Variants in RELN observed in about 807,000 individuals in gnomAD.
RELN encodes reelin.
RELN carries 108 observed loss-of-function variants against 427.6 expected under a neutral mutation model. The observed-to-expected ratio is 0.25, with a 90% confidence interval of 0.22 to 0.30. The LOEUF is 0.30. RELN is among the 10% of genes least tolerant of loss of function. The pLI, the probability that RELN is intolerant of heterozygous loss-of-function variation, is 1.00. For synonymous variants in RELN, 1,524 were observed against 1,513.4 expected (o/e 1.01, Z -0.16); for missense variants, 3,715 against 4,302.8 (o/e 0.86, Z 3.82).
intron 1 of RELN, among the ~76,000 whole-genome samples, chr7:103,975,966 G>T (rs1796871161): frequency 6.6e-6 from 1 of 152,114 alleles, no homozygotes; most frequent in Non-Finnish European, 1.5e-5. Flanking sequence ...AGGGATGCCA[G>T]ACAAGAGAAT....
chr7:103,920,095 C>G (rs1180812628), intron 1 of RELN, among the ~76,000 whole-genome samples: 1 of 151,994 alleles, frequency 6.6e-6, no homozygotes, highest in Non-Finnish European at 1.5e-5. Flanking sequence ...ATGTGAAATA[C>G]ACTAATTCCC....
intron 2 of RELN, among the ~76,000 whole-genome samples, chr7:103,916,788 A>C (rs1795490884): frequency 6.6e-6 from 1 of 152,138 alleles, no homozygotes; most frequent in Admixed American, 6.6e-5. Flanking sequence ...CCACTTAAGT[A>C]ACAGAATATG....
At chr7:103,757,361 T>C (rs1443521405) in intron 4 of RELN, among the ~76,000 whole-genome samples, 13 of 152,228 alleles carry the variant, frequency 8.5e-5, no homozygotes, top group Non-Finnish European at 2.9e-5. Context: ...TGAATTTTTC[T>C]AGATTGCTCG....
At chr7:103,673,158 T>C (rs1320482628) in intron 11 of RELN, among the ~76,000 whole-genome samples, 3 of 152,152 alleles carry the variant, frequency 2.0e-5, no homozygotes, top group Non-Finnish European at 2.9e-5. Flanking sequence ...CAAATTGTTT[T>C]CTATTTTCTA....
intron 1 of RELN, among the ~76,000 whole-genome samples, chr7:103,940,670 GATAAA>G (rs1796093553): frequency 6.6e-6 from 1 of 152,092 alleles, no homozygotes; most frequent in Admixed American, 6.5e-5. Flanking sequence ...TCATATCCCT[GATAAA>G]ATAACCAAAT....
In RELN at chr7:103,611,782, A is replaced by C. The variant is rs202070369; in HGVS notation, c.2724T>G (p.Leu908=). The change falls in exon 21 of 65, where the codon CTT becomes CTG. Residue 908 remains leucine, a synonymous_variant. Coordinates refer to ENST00000428762, the MANE Select transcript of RELN (RefSeq NM_005045.4). ...TTTCCACATAGCGCATACTTGAGGC[A>C]AGTTTAGAATCTCCTGTAAAACTGA... The part of the protein sequence containing the change: ...WTLCFTGDSK[L]ASSMRYVETQ... 5 of 1,613,816 alleles carry C rather than the reference A, an allele frequency of 3.1e-6. No homozygotes were observed. Among genetic ancestry groups the C allele is most frequent in the Non-Finnish European group, 4.2e-6 (5 of 1,179,756 alleles).
intron 1 of RELN, among the ~76,000 whole-genome samples, chr7:103,941,682 A>G (rs1796117678): frequency 6.6e-6 from 1 of 152,196 alleles, no homozygotes; most frequent in Non-Finnish European, 1.5e-5. Flanking sequence ...TGCTGTCAAG[A>G]TTCTAGTCCA....
rs1437499923 is a variant in RELN, at chr7:103,620,462, T to C, written c.2703-8659A>G. 7.2e-6 allele frequency among the ~76,000 whole-genome samples: 1 copy of C among 139,222 alleles called. No individual in the cohort carries two copies. Among genetic ancestry groups the C allele is most frequent in the East Asian group, 2.2e-4 (1 of 4,636 alleles). The allele number at this position is 139,222 out of a possible 152,430, so 91.3% of individuals were successfully genotyped here. A position where few individuals can be genotyped will look rare whatever the true frequency, so the allele number is the denominator to read the frequency against. On this transcript the variant is annotated intron_variant, in intron 20 of 64. Transcript: ENST00000428762. This position sits in a 1 kb window ranked among gnomAD's most constrained non-coding sequence, Gnocchi z 4.1. ...AGATTCGATTTTGGTTGAAGATAAC[T>C]CACCCGATCCACATTTTTTTTTTTT...
chr7:103,801,445 A>C (rs772668200), intron 3 of RELN, among the ~76,000 whole-genome samples: 2 of 152,142 alleles, frequency 1.3e-5, no homozygotes, highest in Non-Finnish European at 2.9e-5. Context: ...ATGGATGAAA[A>C]TGGAAACCAT....
At chr7:103,790,260 C>T (rs1476300812) in intron 3 of RELN, among the ~76,000 whole-genome samples, 1 of 152,000 alleles carries the variant, frequency 6.6e-6, no homozygotes, top group Non-Finnish European at 1.5e-5. Context: ...GTGCAGCAAA[C>T]CACCATGGCA....
intron 58 of RELN, among the ~76,000 whole-genome samples, chr7:103,491,628 A>G (rs1470684710): frequency 6.6e-6 from 1 of 152,050 alleles, no homozygotes; most frequent in African/African-American, 2.4e-5. Flanking sequence ...TCGGGAGTTC[A>G]AGACCAGCCT....
At chr7:103,918,040 T>A (rs982165441) in intron 1 of RELN, among the ~76,000 whole-genome samples, 1 of 152,130 alleles carries the variant, frequency 6.6e-6, no homozygotes, top group Non-Finnish European at 1.5e-5. Flanking sequence ...AAGGCTGTCA[T>A]CATCCTTGGT....
intron 6 of RELN, among the ~76,000 whole-genome samples, chr7:103,732,609 C>T (rs1326897373): frequency 1.3e-5 from 2 of 152,002 alleles, no homozygotes; most frequent in African/African-American, 4.8e-5. Context: ...AATAGTGATC[C>T]ATGTGAAAGA....
chr7:103,867,040 A>G (rs558830719), intron 2 of RELN, among the ~76,000 whole-genome samples: 5 of 152,138 alleles, frequency 3.3e-5, no homozygotes, highest in South Asian at 2.1e-4. Flanking sequence ...AAGTAACCCT[A>G]ACCAAAAATG....
In RELN at chr7:103,557,083, T is replaced by C. The variant is rs1479086839; in HGVS notation, c.5691A>G (p.Glu1897=). The C allele has an allele frequency of 6.2e-7, 1 of 1,613,542 alleles. No homozygotes were observed. The highest frequency in any genetic ancestry group is 8.5e-7 in the Non-Finnish European group (1 of 1,179,548). ...TATTCGTTGTTTGAGGAAAGTAAAA[T>C]TCATCCATCAGGTGCCAAGTGATTC... ...SGGITWHLMD[E]FYFPQTTNIL... The change falls in exon 38 of 65, where the codon GAA becomes GAG. Residue 1897 remains glutamate, a synonymous_variant. Transcript: ENST00000428762.
intron 1 of RELN, among the ~76,000 whole-genome samples, chr7:103,932,636 C>T (rs1795891452): frequency 6.6e-6 from 1 of 152,212 alleles, no homozygotes; most frequent in Non-Finnish European, 1.5e-5. Flanking sequence ...TATTCGTTGG[C>T]TTTGGAGTCA....
chr7:103,773,167 T>TC (rs1167862976), intron 4 of RELN, among the ~76,000 whole-genome samples: 26 of 124,838 alleles, frequency 2.1e-4, no homozygotes, highest in East Asian at 1.5e-3. Context: ...TTTCTTTCTT[T>TC]TTCTTTCTTT....
intron 2 of RELN, among the ~76,000 whole-genome samples, chr7:103,845,300 C>T (rs539807677): frequency 6.6e-6 from 1 of 152,212 alleles, no homozygotes; most frequent in East Asian, 1.9e-4. Flanking sequence ...AAGTGATTCT[C>T]AGGCCTCAGT....
intron 10 of RELN, among the ~76,000 whole-genome samples, chr7:103,685,575 T>G (rs1294988339): frequency 2.6e-5 from 4 of 152,130 alleles, no homozygotes; most frequent in African/African-American, 9.7e-5. Flanking sequence ...TGGTTCTAAA[T>G]TTTTATTTGT....
Sources: gnomAD v4.1 joint callset for allele counts (sites outside exome capture counted in the v4.1 genomes callset) on GRCh38, gnomAD v4.1.1 for gene constraint, Gnocchi (gnomAD v3.1) non-coding constraint, MANE v1.5 for transcripts, NCBI Gene and HGNC (gene_info 2026-07-23, HGNC 2026-07-21) for gene names.